The following SHROOM4 variants were observed in gnomAD, a reference collection of about 807,000 sequenced individuals.
SHROOM4 encodes protein Shroom4.
In SHROOM4, 17 loss-of-function variants were observed where a neutral mutation model predicts 80.3. That is an observed-to-expected ratio of 0.21 (90% CI 0.14 to 0.32). The LOEUF (loss-of-function observed/expected upper bound fraction) is 0.32. Ranked by LOEUF, SHROOM4 falls within the 10% of genes least tolerant of loss-of-function variation. SHROOM4 has a pLI of 1.00. For missense variants in SHROOM4, 993 were observed against 1,140.3 expected, an observed-to-expected ratio of 0.87 and a Z score of 1.86; for synonymous variants, 400 against 437.5, an observed-to-expected ratio of 0.91 and a Z score of 1.07.
At chrX:50,575,574 T>C in the SHROOM4 span, among the ~76,000 whole-genome samples, 2 of 111,178 alleles carry the variant, frequency 1.8e-5, no homozygotes, top group South Asian at 7.7e-4. Context: ...TTGCGCCAGG[T>C]AAGATTTCCA....
chrX:50,718,360 C>A (rs1248845406), intron 1 of SHROOM4, among the ~76,000 whole-genome samples: 1 of 111,661 alleles, frequency 9.0e-6, no homozygotes, highest in Non-Finnish European at 1.9e-5. Flanking sequence ...GCAGCACCAA[C>A]AAAGCAGAAT....
At chrX:50,585,080 T>G (rs1242416090), downstream of SHROOM4, among the ~76,000 whole-genome samples, 2 of 111,064 alleles carry the variant, frequency 1.8e-5, no homozygotes, top group Non-Finnish European at 3.8e-5. Context: ...GTGTAAGATA[T>G]CACCAGAAAT....
chrX:50,794,163 C>T (rs782009815), intron 1 of SHROOM4, among the ~76,000 whole-genome samples: 1 of 111,881 alleles, frequency 8.9e-6, no homozygotes, highest in African/African-American at 3.2e-5. Context: ...AGTGCATCAA[C>T]ATAAATTTGT....
rs782473243 is a variant in SHROOM4, at chrX:50,611,144, C to CTTTTTTTTTTTTTT, written c.2958-2974_2958-2961dup. 2.7e-3 allele frequency among the ~76,000 whole-genome samples: 185 copies of CTTTTTTTTTTTTTT among 68,182 alleles called. 5 individuals are homozygous for CTTTTTTTTTTTTTT. Among genetic ancestry groups the CTTTTTTTTTTTTTT allele is most frequent in the African/African-American group, 3.0e-3 (49 of 16,120 alleles). The allele number at this position is 68,182 out of a possible 115,157, so 59.2% of individuals were successfully genotyped here. ...AGTACAGACCATATTTTCTTTTTTT[C>CTTTTTTTTTTTTTT]TTTTTTTTTTTTTTTTTTTTTTGAG... On this transcript the variant is annotated intron_variant, in intron 5 of 8. Coordinates refer to ENST00000376020, the MANE Select transcript of SHROOM4 (RefSeq NM_020717.5).
At chrX:50,716,056 C>T (rs1649296844) in intron 1 of SHROOM4, among the ~76,000 whole-genome samples, 1 of 110,193 alleles carries the variant, frequency 9.1e-6, no homozygotes, top group African/African-American at 3.3e-5. Context: ...TTTGTGGCAA[C>T]ATAGATGAAC....
intron 1 of SHROOM4, among the ~76,000 whole-genome samples, chrX:50,752,560 G>A (rs1934946313): frequency 9.0e-6 from 1 of 111,656 alleles, no homozygotes; most frequent in African/African-American, 3.3e-5. Flanking sequence ...CCTTCTACAA[G>A]GACCCTCTTT....
chrX:50,600,796 G>C (rs1198047127), intron 7 of SHROOM4, among the ~76,000 whole-genome samples: 1 of 111,879 alleles, frequency 8.9e-6, no homozygotes, highest in Non-Finnish European at 1.9e-5. Context: ...TGCATTTGGG[G>C]AAAGTTCCAA....
chrX:50,643,314 A>T (rs1213892819), intron 2 of SHROOM4: 1 of 111,914 alleles, frequency 8.9e-6, no homozygotes, highest in Non-Finnish European at 1.9e-5. Flanking sequence ...CTACCATGGA[A>T]GTTGCCCAGG....
intron 2 of SHROOM4, among the ~76,000 whole-genome samples, chrX:50,660,372 G>A (rs1932452041): frequency 9.0e-6 from 1 of 111,579 alleles, no homozygotes; most frequent in Non-Finnish European, 1.9e-5. Flanking sequence ...CAAGGTATAA[G>A]AGCACATGTA....
intron 2 of SHROOM4, among the ~76,000 whole-genome samples, chrX:50,659,519 C>T (rs1213607732): frequency 3.6e-5 from 4 of 111,612 alleles, no homozygotes; most frequent in East Asian, 5.6e-4. Flanking sequence ...AGAATTAGTT[C>T]GGTTTTAGAA....
At chrX:50,680,150 C>G (rs1046579387) in intron 2 of SHROOM4, among the ~76,000 whole-genome samples, 10 of 112,004 alleles carry the variant, frequency 8.9e-5, no homozygotes, top group African/African-American at 3.2e-4. Context: ...GGCCACTTCT[C>G]CTCAGATTAT....
At chrX:50,696,438 A>G (rs782194071) in intron 1 of SHROOM4, among the ~76,000 whole-genome samples, 2 of 111,670 alleles carry the variant, frequency 1.8e-5, no homozygotes, top group Admixed American at 9.5e-5. Flanking sequence ...CTGTGTCTCA[A>G]TTCCCTCCTA....
intron 1 of SHROOM4, 91 bp from the exon 2 acceptor site, chrX:50,696,028 T>C: frequency 2.9e-6 from 3 of 1,041,908 alleles, no homozygotes; most frequent in Non-Finnish European, 4.0e-6. Context: ...GAGCCACAAG[T>C]AGTACTGGGG....
At chrX:50,697,699 A>G (rs142119057) in intron 1 of SHROOM4, among the ~76,000 whole-genome samples, 2,038 of 112,078 alleles carry the variant, frequency 0.018, 29 homozygotes, top group African/African-American at 0.041. Context: ...CAATATTGGT[A>G]AATGGGGAAC....
At chrX:50,735,758 A>G (rs1934470929) in intron 1 of SHROOM4, among the ~76,000 whole-genome samples, 1 of 111,825 alleles carries the variant, frequency 8.9e-6, no homozygotes, top group Non-Finnish European at 1.9e-5. Context: ...CTGTAATCCC[A>G]ACACTTTGGG....
chrX:50,771,630 A>G (rs1935395789), intron 1 of SHROOM4, among the ~76,000 whole-genome samples: 1 of 112,326 alleles, frequency 8.9e-6, no homozygotes, highest in Admixed American at 9.4e-5. Context: ...AGCACTTGAC[A>G]GTTTACACAG....
intron 1 of SHROOM4, among the ~76,000 whole-genome samples, chrX:50,773,826 T>C (rs1838671034): frequency 8.9e-6 from 1 of 112,727 alleles, no homozygotes; most frequent in African/African-American, 3.2e-5. Context: ...TGCACAGCTT[T>C]ATGAAAGGCA....
chrX:50,742,662 A>G (rs1425526989), intron 1 of SHROOM4, among the ~76,000 whole-genome samples: 1 of 108,678 alleles, frequency 9.2e-6, no homozygotes, highest in African/African-American at 3.4e-5. Context: ...GCAATCACAG[A>G]AGTGAAATAC....
intron 5 of SHROOM4, among the ~76,000 whole-genome samples, chrX:50,618,277 C>CCCCT (rs1930348418): frequency 1.1e-4 from 5 of 44,916 alleles, no homozygotes; most frequent in African/African-American, 3.0e-4. Context: ...CTCTTCTCTT[C>CCCCT]CCCTTCCTTC....
Sources: gnomAD v4.1 joint callset for allele counts (sites outside exome capture counted in the v4.1 genomes callset) on GRCh38, gnomAD v4.1.1 for gene constraint, MANE v1.5 for transcripts, NCBI Gene and HGNC (gene_info 2026-07-23, HGNC 2026-07-21) for gene names.